Variants in TMEM132C observed in about 807,000 individuals in gnomAD.
TMEM132C encodes transmembrane protein 132C.
In TMEM132C, 29 loss-of-function variants were observed where a neutral mutation model predicts 61.4. That is an observed-to-expected ratio of 0.47 (90% CI 0.35 to 0.64). TMEM132C has a LOEUF of 0.64. Ranked by LOEUF, TMEM132C falls within the 30% of genes least tolerant of loss-of-function variation. The probability of loss-of-function intolerance (pLI) is 0.00; values close to 1 mark genes in which losing one functional copy is unlikely to be tolerated. For missense variants in TMEM132C, 1,408 were observed against 1,476.9 expected (o/e 0.95, Z 0.76); for synonymous variants, 656 against 633.1 (o/e 1.04, Z -0.54).
intron 2 of TMEM132C, among the ~76,000 whole-genome samples, chr12:128,487,083 G>A (rs76022138): frequency 0.086 from 13,134 of 152,128 alleles, 645 homozygotes; most frequent in Middle Eastern, 0.11. Flanking sequence ...AGGGTATTCC[G>A]GAAACCCAGC....
intron 3 of TMEM132C, among the ~76,000 whole-genome samples, chr12:128,556,194 G>A (rs372061613): frequency 6.6e-6 from 1 of 152,320 alleles, no homozygotes; most frequent in African/African-American, 2.4e-5. Context: ...TCGATTTGAT[G>A]TTTGAAATGG....
intron 3 of TMEM132C, among the ~76,000 whole-genome samples, chr12:128,561,991 G>C (rs949588638): frequency 1.3e-5 from 2 of 152,058 alleles, no homozygotes; most frequent in Non-Finnish European, 2.9e-5. Flanking sequence ...GTGGGGTGTT[G>C]GGGGGAGTGA....
chr12:128,483,682 A>T (rs891573397), intron 2 of TMEM132C, among the ~76,000 whole-genome samples: 1 of 152,178 alleles, frequency 6.6e-6, no homozygotes, highest in South Asian at 2.1e-4. Flanking sequence ...GTGTATGGAC[A>T]TCTGTAGAAC....
chr12:128,579,106 C>T (rs1273223983), intron 3 of TMEM132C, among the ~76,000 whole-genome samples: 2 of 152,196 alleles, frequency 1.3e-5, no homozygotes, highest in East Asian at 3.9e-4. Context: ...GAAAACGAAG[C>T]TCCATTCGTG....
At chr12:128,663,635 A>C (rs1410833889) in intron 4 of TMEM132C, among the ~76,000 whole-genome samples, 1 of 152,236 alleles carries the variant, frequency 6.6e-6, no homozygotes, top group Non-Finnish European at 1.5e-5. Context: ...CGTGTTAAGG[A>C]ACATGGATTT....
At chr12:128,529,243 C>A (rs145615214) in intron 2 of TMEM132C, among the ~76,000 whole-genome samples, 2 of 150,728 alleles carry the variant, frequency 1.3e-5, no homozygotes, top group African/African-American at 5.0e-5. Flanking sequence ...GATGCAGTAA[C>A]AAACACAGAG....
Position 128,623,873 on chromosome 12 carries a change from A to G in TMEM132C, c.1305+7538A>G, listed in dbSNP as rs1448174989. On this transcript the variant is annotated intron_variant, in intron 4 of 8. Transcript: ENST00000435159. ...AAAAATGAAAACAGAGAATATTTAC[A>G]TAAGCAATAAGAAGAAGAAGACGAA... Among the ~76,000 whole-genome samples, 3 of 152,176 alleles carry G rather than the reference A, an allele frequency of 2.0e-5. No homozygotes were observed. In the East Asian group the frequency reaches 5.8e-4, roughly 29 times the overall value.
intron 2 of TMEM132C, among the ~76,000 whole-genome samples, chr12:128,483,330 T>G (rs1022043035): frequency 0.064 from 766 of 12,004 alleles, no homozygotes; most frequent in Non-Finnish European, 0.073. Context: ...GAGGGGAGGG[T>G]GGAGGAAGAA....
chr12:128,300,874 C>CA (rs942242632), intron 1 of TMEM132C, among the ~76,000 whole-genome samples: 18 of 151,042 alleles, frequency 1.2e-4, no homozygotes, highest in African/African-American at 3.7e-4. Context: ...CCCACCTCTA[C>CA]AAAAAAAAAT....
chr12:128,610,527 T>C (rs7296262), intron 3 of TMEM132C, among the ~76,000 whole-genome samples: 69,530 of 151,020 alleles, frequency 0.46, 16,028 homozygotes, highest in African/African-American at 0.53. Flanking sequence ...CAAGAGTTAC[T>C]GCAAGAAATC....
At chr12:128,421,145 A>G (rs1868974228) in intron 2 of TMEM132C, among the ~76,000 whole-genome samples, 1 of 151,934 alleles carries the variant, frequency 6.6e-6, no homozygotes, top group Non-Finnish European at 1.5e-5. Flanking sequence ...TCCATGAACC[A>G]CCTCTCACCC....
intron 4 of TMEM132C, among the ~76,000 whole-genome samples, chr12:128,639,943 G>A (rs1185620483): frequency 6.6e-6 from 1 of 152,162 alleles, no homozygotes; most frequent in African/African-American, 2.4e-5. Flanking sequence ...GATGAATTTT[G>A]TTGTTGTTCA....
chr12:128,300,815 T>C (rs566094733), intron 1 of TMEM132C, among the ~76,000 whole-genome samples: 4 of 152,248 alleles, frequency 2.6e-5, no homozygotes, highest in South Asian at 2.1e-4. Flanking sequence ...AGCGGGAGGA[T>C]TGTTTGAGGC....
intron 3 of TMEM132C, among the ~76,000 whole-genome samples, chr12:128,553,389 C>T (rs775514613): frequency 9.9e-5 from 15 of 152,120 alleles, no homozygotes; most frequent in Non-Finnish European, 1.5e-4. Flanking sequence ...GTTTTTTAAA[C>T]CCATATTCCA....
At chr12:128,392,589 C>T (rs1874803785) in intron 1 of TMEM132C, among the ~76,000 whole-genome samples, 1 of 152,006 alleles carries the variant, frequency 6.6e-6, no homozygotes, top group African/African-American at 2.4e-5. Flanking sequence ...CAGTGTTGGC[C>T]AAGGGTATCA....
chr12:128,554,617 T>C lies in TMEM132C; in HGVS notation c.1121+10514T>C, dbSNP rs559327387. On this transcript the variant is annotated intron_variant, in intron 3 of 8. Coordinates refer to ENST00000435159, the MANE Select transcript of TMEM132C (RefSeq NM_001136103.3). ...TTTAGGAGGTTGATTGCCTGTATTG[T>C]CCAGGTACAGAGTTTGCAGCAAAAC... 7.5e-4 allele frequency among the ~76,000 whole-genome samples: 114 copies of C among 152,360 alleles called. 1 individual carries two copies. Among genetic ancestry groups the C allele is most frequent in the Middle Eastern group, 3.4e-3 (1 of 294 alleles).
At chr12:128,268,105 G>A (rs955070068) in intron 1 of TMEM132C, among the ~76,000 whole-genome samples, 1 of 152,172 alleles carries the variant, frequency 6.6e-6, no homozygotes, top group Non-Finnish European at 1.5e-5. Context: ...TCTCAAATGA[G>A]TCCTTTGCGG....
At chr12:128,553,479 T>C (rs773136692) in intron 3 of TMEM132C, among the ~76,000 whole-genome samples, 2 of 152,250 alleles carry the variant, frequency 1.3e-5, no homozygotes, top group Non-Finnish European at 2.9e-5. Context: ...GAGATCAGTC[T>C]GTAATATGTT....
At chr12:128,544,319 A>G (rs1873875207) in intron 3 of TMEM132C, among the ~76,000 whole-genome samples, 1 of 152,270 alleles carries the variant, frequency 6.6e-6, no homozygotes, top group African/African-American at 2.4e-5. Context: ...CTGCGGGGTC[A>G]GCTTTGGAGC....
Sources: allele counts gnomAD v4.1 joint callset (sites outside exome capture counted in the v4.1 genomes callset), GRCh38; gene constraint gnomAD v4.1.1; transcripts MANE v1.5; gene names NCBI Gene and HGNC (gene_info 2026-07-23, HGNC 2026-07-21).